Variants in PDE2A observed in about 807,000 individuals in gnomAD.
The protein encoded by PDE2A is cGMP-dependent 3',5'-cyclic phosphodiesterase.
In PDE2A, 53 loss-of-function variants were observed where a neutral mutation model predicts 133.6. That is an observed-to-expected ratio of 0.40 (90% CI 0.32 to 0.50). The LOEUF is 0.50. Among genes scored for constraint, PDE2A ranks in the 20% least tolerant of loss-of-function variants. The pLI is 0.73. For missense variants in PDE2A, 796 were observed against 1,232.4 expected, an observed-to-expected ratio of 0.65 and a Z score of 5.30; for synonymous variants, 491 against 490.2, an observed-to-expected ratio of 1.00 and a Z score of -0.02.
At chr11:72,642,703 G>A (rs1273667503) in intron 1 of PDE2A, among the ~76,000 whole-genome samples, 1 of 152,030 alleles carries the variant, frequency 6.6e-6, no homozygotes. Context: ...GCATCTCGCA[G>A]GGGCCGCTCT....
rs1321243165 is a variant in PDE2A, at chr11:72,584,742, G to C, written c.1360-14C>G. The C allele has an allele frequency of 6.2e-7, 1 of 1,612,814 alleles. No homozygotes were observed. The highest frequency in any genetic ancestry group is 8.5e-7 in the Non-Finnish European group (1 of 1,179,690). Reference sequence around the variant, plus strand: ...GATCTCATAGCTCTGCCGGAGCAGAGATGGAGTCGAGAGGAAGAAGTTAGT... The same window carrying C: ...GATCTCATAGCTCTGCCGGAGCAGACATGGAGTCGAGAGGAAGAAGTTAGT... On this transcript the variant is annotated splice_polypyrimidine_tract_variant and intron_variant, in intron 17 of 30. Coordinates refer to ENST00000334456, the MANE Select transcript of PDE2A (RefSeq NM_002599.5).
intron 1 of PDE2A, among the ~76,000 whole-genome samples, chr11:72,663,238 C>A (rs900003625): frequency 6.6e-6 from 1 of 152,116 alleles, no homozygotes; most frequent in Non-Finnish European, 1.5e-5. Flanking sequence ...ACCAGGGCAC[C>A]CTCAAGGCCA....
At chr11:72,596,283 G>A (rs1856473976) in intron 6 of PDE2A, among the ~76,000 whole-genome samples, 1 of 152,094 alleles carries the variant, frequency 6.6e-6, no homozygotes, top group Non-Finnish European at 1.5e-5. Flanking sequence ...CTAACCTTAT[G>A]GGGGCTGAGA....
intron 13 of PDE2A, among the ~76,000 whole-genome samples, chr11:72,586,671 G>A (rs910721394): frequency 6.6e-6 from 1 of 152,168 alleles, no homozygotes; most frequent in Admixed American, 6.5e-5. Context: ...AGCTAGCTCT[G>A]GTGAGACAAG....
At chr11:72,650,019 CTTTTTTTTTTT>C (rs746774086) in intron 1 of PDE2A, among the ~76,000 whole-genome samples, 3 of 129,122 alleles carry the variant, frequency 2.3e-5, no homozygotes. Flanking sequence ...AGCCCTGAGA[CTTTTTTTTTTT>C]TTTTTTTTTA....
At chr11:72,659,141 C>A (rs962238374) in intron 1 of PDE2A, among the ~76,000 whole-genome samples, 2 of 151,712 alleles carry the variant, frequency 1.3e-5, no homozygotes, top group Non-Finnish European at 2.9e-5. Flanking sequence ...GCTGGCAACC[C>A]GCAAAGGCAG....
At chr11:72,669,208 T>C (rs189332) in intron 1 of PDE2A, 64,758 of 153,046 alleles carry the variant, frequency 0.42, 15,145 homozygotes, top group Middle Eastern at 0.62. Context: ...CATAAGCCTG[T>C]CTGCCACCTT....
At chr11:72,583,679 C>A in intron 19 of PDE2A, 164 bp from the exon 20 acceptor site, 1 of 518,386 alleles carries the variant, frequency 1.9e-6, no homozygotes, top group Non-Finnish European at 3.3e-6. Context: ...CCCACCCCCA[C>A]TTTCATCCAG....
At chr11:72,650,245 A>C (rs928110041) in intron 1 of PDE2A, among the ~76,000 whole-genome samples, 2 of 151,986 alleles carry the variant, frequency 1.3e-5, no homozygotes, top group Non-Finnish European at 2.9e-5. Flanking sequence ...CTGGTCTTGA[A>C]GTCCTGACCT....
chr11:72,625,674 A>G (rs1034278311), intron 2 of PDE2A, among the ~76,000 whole-genome samples: 1 of 152,096 alleles, frequency 6.6e-6, no homozygotes, highest in Non-Finnish European at 1.5e-5. Context: ...GGGTTTGGAG[A>G]AAACAGGCTT....
chr11:72,634,303 C>A (rs1027249620), intron 2 of PDE2A, among the ~76,000 whole-genome samples: 10 of 152,178 alleles, frequency 6.6e-5, no homozygotes, highest in African/African-American at 1.7e-4. Flanking sequence ...CACCACCACA[C>A]CTGCTTCTGG....
intron 1 of PDE2A, chr11:72,642,968 G>C (rs1859023578): frequency 6.5e-6 from 1 of 154,624 alleles, no homozygotes; most frequent in South Asian, 2.0e-4. Context: ...GCCCATCTGC[G>C]AGGGAGACAC....
chr11:72,584,896 G>A lies in PDE2A; in HGVS notation c.1335C>T (p.Phe445=), dbSNP rs145415914. The A allele has an allele frequency of 5.6e-6, 9 of 1,614,004 alleles. No individual in the cohort carries two copies. In the African/African-American group the frequency reaches 1.1e-4, roughly 19 times the overall value. The change falls in exon 17 of 31, where the codon TTC becomes TTT. Residue 445 remains phenylalanine (F), a synonymous_variant. Coordinates refer to ENST00000334456, the MANE Select transcript of PDE2A (RefSeq NM_002599.5). ...CCTCATCATCCACCACGCCCCCGTC[G>A]AACACCTTGGCCACCAGCTCATTCT... The part of the protein sequence containing the change: ...LDQNELVAKV[F]DGGVVDDESY...
chr11:72,578,438 C>A lies in PDE2A; in HGVS notation c.2508+38G>T, dbSNP rs368291195. 6.3e-7 allele frequency: 1 copy of A among 1,596,274 alleles called. No individual in the cohort carries two copies. Among genetic ancestry groups the A allele is most frequent in the African/African-American group, 1.3e-5 (1 of 74,546 alleles). ...CTCCCTGTCCCAGGCCAGGAACCCTCCCCCATCCTGGACATCCTGGGGTCA... is the reference window on the plus strand; with the variant it reads ...CTCCCTGTCCCAGGCCAGGAACCCTACCCCATCCTGGACATCCTGGGGTCA... On this transcript the variant is annotated intron_variant, in intron 29 of 30. Transcript: ENST00000334456. This position sits in a 1 kb window ranked among gnomAD's most constrained non-coding sequence, Gnocchi z 4.2.
At chr11:72,658,349 C>G (rs1591136972) in intron 1 of PDE2A, 1 of 358,646 alleles carries the variant, frequency 2.8e-6, no homozygotes, top group African/African-American at 2.1e-5. Context: ...CTCATCCAAG[C>G]AGGCTGGAGC....
At chr11:72,617,222 G>A (rs1348893792) in intron 2 of PDE2A, among the ~76,000 whole-genome samples, 1 of 152,236 alleles carries the variant, frequency 6.6e-6, no homozygotes, top group Non-Finnish European at 1.5e-5. Context: ...CATTGTGTGT[G>A]GGAGGTAAAT....
At chr11:72,606,296 C>A (rs1046421609) in intron 3 of PDE2A, among the ~76,000 whole-genome samples, 1 of 152,152 alleles carries the variant, frequency 6.6e-6, no homozygotes, top group East Asian at 1.9e-4. Flanking sequence ...TGCCTCCCAG[C>A]TGAGGGTATC....
intron 2 of PDE2A, among the ~76,000 whole-genome samples, chr11:72,611,668 C>T (rs1251104546): frequency 6.6e-6 from 1 of 152,266 alleles, no homozygotes; most frequent in South Asian, 2.1e-4. Context: ...GGTAATGTGA[C>T]TGATGAAGCC....
intron 2 of PDE2A, among the ~76,000 whole-genome samples, chr11:72,614,418 G>A (rs1465551433): frequency 1.3e-5 from 2 of 152,192 alleles, no homozygotes; most frequent in Non-Finnish European, 2.9e-5. Flanking sequence ...TGTCATGCTT[G>A]AGTGAGGCAT....
Sources: allele counts gnomAD v4.1 joint callset (sites outside exome capture counted in the v4.1 genomes callset), GRCh38; gene constraint gnomAD v4.1.1; non-coding constraint Gnocchi (gnomAD v3.1); transcripts MANE v1.5; gene names NCBI Gene and HGNC (gene_info 2026-07-23, HGNC 2026-07-21).